Variants in CLCC1 observed in about 807,000 individuals in gnomAD.
CLCC1 encodes the protein chloride channel CLIC-like protein 1.
Under a neutral mutation model 63.3 loss-of-function variants are expected in CLCC1, and 39 were observed. The observed-to-expected ratio is 0.62, with a 90% CI of 0.48 to 0.81. The LOEUF (loss-of-function observed/expected upper bound fraction) is 0.81. Ranked by LOEUF, CLCC1 falls within the 30% of genes least tolerant of loss-of-function variation. The pLI, the probability that CLCC1 is intolerant of heterozygous loss-of-function variation, is 0.00. For synonymous variants in CLCC1, 217 were observed against 239.8 expected, an observed-to-expected ratio of 0.90 and a Z score of 0.88; for missense variants, 549 against 669.4, an observed-to-expected ratio of 0.82 and a Z score of 1.98.
At chr1:108,947,439 G>A (rs1191373168) in intron 5 of CLCC1, among the ~76,000 whole-genome samples, 172 bp downstream of exon 5, 2 of 152,198 alleles carry the variant, frequency 1.3e-5, no homozygotes, top group African/African-American at 4.8e-5. Context: ...CCAGACCACT[G>A]CAAAGCAGTA....
intron 7 of CLCC1, 140 bp from the exon 8 acceptor site, chr1:108,941,638 ATATTAT>A (rs1241996326): frequency 2.1e-5 from 10 of 469,840 alleles, no homozygotes; most frequent in Admixed American, 7.9e-5. Flanking sequence ...AAAAAAAAAC[ATATTAT>A]TATTACTATT....
intron 5 of CLCC1, among the ~76,000 whole-genome samples, chr1:108,945,062 C>A (rs368986140): frequency 6.6e-6 from 1 of 152,154 alleles, no homozygotes; most frequent in South Asian, 2.1e-4. Context: ...CAATATATAA[C>A]CTTGTTTTAT....
In CLCC1 at chr1:108,939,697, A is replaced by G. The variant is rs1571019191; in HGVS notation, c.980T>C (p.Met327Thr). 1.2e-6 allele frequency: 2 copies of G among 1,614,058 alleles called. No individual in the cohort carries two copies. Among genetic ancestry groups the G allele is most frequent in the African/African-American group, 2.7e-5 (2 of 74,938 alleles). ...KGTGEFIKAL[M>T]KEIPALLHLP... is the part of the protein sequence containing the mutation. Reference sequence around the variant, plus strand: ...ATGAAGCAGCGCTGGAATTTCCTTCATGAGTGCTTTAATAAATTCCCCAGT... The same window carrying G: ...ATGAAGCAGCGCTGGAATTTCCTTCGTGAGTGCTTTAATAAATTCCCCAGT... Residue 327 changes from methionine to threonine, a missense_variant, in exon 10 of 13, where the codon ATG becomes ACG. By Grantham distance (81) the Met-to-Thr change is moderately conservative. Coordinates refer to ENST00000369969, the MANE Select transcript of CLCC1 (RefSeq NM_001377458.1).
chr1:108,953,749 G>A (rs570575661), intron 2 of CLCC1, among the ~76,000 whole-genome samples: 8 of 152,342 alleles, frequency 5.3e-5, no homozygotes, highest in Non-Finnish European at 7.3e-5. Context: ...AGTAGCTCAC[G>A]CCTGTGATCC....
chr1:108,950,444 T>C lies in CLCC1; in HGVS notation c.-7A>G, dbSNP rs775165172. 15 of 1,562,484 alleles carry C rather than the reference T, an allele frequency of 9.6e-6. No homozygotes were observed. In the African/African-American group the frequency reaches 1.8e-4, roughly 18 times the overall value. On this transcript the variant is annotated 5_prime_UTR_variant, in exon 3 of 13. Transcript: ENST00000369969. ...GGAGCAAAGAACACAGCATCCTGTA[T>C]AAGGCTAAAACAATTTTTAATATAT...
At position 108,939,277 on chromosome 1, in the gene CLCC1, T is replaced by G. The variant is rs555517211; in HGVS notation, c.1041+359A>C. 4.2e-3 allele frequency among the ~76,000 whole-genome samples: 613 copies of G among 145,894 alleles called. 10 individuals are homozygous for G. The highest frequency in any genetic ancestry group is 0.014 in the African/African-American group (578 of 40,174). On this transcript the variant is annotated intron_variant, in intron 10 of 12. Coordinates refer to ENST00000369969, the MANE Select transcript of CLCC1 (RefSeq NM_001377458.1). Reference sequence around the variant, plus strand: ...ACAGATATATAAATATAAATATATATAGATAGATATATAAATATACATATA... The same window carrying G: ...ACAGATATATAAATATAAATATATAGAGATAGATATATAAATATACATATA...
intron 2 of CLCC1, among the ~76,000 whole-genome samples, chr1:108,951,056 C>T (rs188300160): frequency 6.8e-4 from 103 of 152,200 alleles, no homozygotes; most frequent in Admixed American, 2.4e-3. Flanking sequence ...AAAACTTGTA[C>T]ATGAATGTTC....
rs1651899291 is a variant in CLCC1 at position 108,931,242 on chromosome 1, A to AAAATT, written c.*1300_*1304dup. ...AACAGAAAACAGATGAAAACTCACA[A>AAAATT]AAATTAAATATGAAAGAAAGATGTC... On this transcript the variant is annotated 3_prime_UTR_variant, in exon 13 of 13. Coordinates refer to ENST00000369969, the MANE Select transcript of CLCC1 (RefSeq NM_001377458.1). 2 of 1,419,144 alleles carry AAAATT rather than the reference A, an allele frequency of 1.4e-6. No homozygotes were observed. The highest frequency in any genetic ancestry group is 2.9e-5 in the African/African-American group (2 of 69,152). The allele number at this position is 1,419,144 out of a possible 1,614,324, so 87.9% of individuals were successfully genotyped here.
In CLCC1 at chr1:108,929,709, A is replaced by G. The variant is rs1390844772; in HGVS notation, c.*2838T>C. 1.2e-6 allele frequency: 2 copies of G among 1,613,338 alleles called. No homozygotes were observed. Among genetic ancestry groups the G allele is most frequent in the Non-Finnish European group, 1.7e-6 (2 of 1,179,452 alleles). ...CTCTCATAAACTTCTAGGGATCCAG[A>G]TTAGATGATCAAAGATGTGCTCCAC... On this transcript the variant is annotated 3_prime_UTR_variant, in exon 13 of 13. Coordinates refer to ENST00000369969, the MANE Select transcript of CLCC1 (RefSeq NM_001377458.1).
chr1:108,950,001 C>A, intron 3 of CLCC1, 80 bp from the exon 4 acceptor site: 1 of 858,942 alleles, frequency 1.2e-6, no homozygotes, highest in South Asian at 1.6e-5. Flanking sequence ...GACTAAGATT[C>A]TGACTTCATC....
rs112562391 is a variant in CLCC1 at position 108,940,047 on chromosome 1, T to C, written c.892A>G (p.Lys298Glu). 1 of 1,607,530 alleles carries C rather than the reference T, an allele frequency of 6.2e-7. No individual in the cohort carries two copies. The highest frequency in any genetic ancestry group is 8.5e-7 in the Non-Finnish European group (1 of 1,175,486). Residue 298 changes from lysine to glutamate, a missense_variant and splice_region_variant, in exon 9 of 13, where the codon AAG (lysine) becomes GAG (glutamate). By Grantham distance (56) the Lys-to-Glu change is moderately conservative. Transcript: ENST00000369969. ...VNPIWLVPPT[K>E]ALAVTFTTFV... ...TTTTTACAAAATATATGCTATACCT[T>C]TGTTGGTGGGACCAACCAAATAGGG...
rs565358035 is a variant in CLCC1, at chr1:108,948,313, G to A, written c.232-595C>T. ...GCTTCTCCAGGGTACCACCCACATG[G>A]CAACCCTTCAGCACACAATTCTACA... On this transcript the variant is annotated intron_variant, in intron 4 of 12. Transcript: ENST00000369969. Among the ~76,000 whole-genome samples the A allele has an allele frequency of 3.9e-5, 6 of 152,288 alleles. No homozygotes were observed. In the South Asian group the frequency reaches 1.2e-3, roughly 32 times the overall value.
intron 9 of CLCC1, 88 bp from the exon 10 acceptor site, chr1:108,939,870 G>A: frequency 7.1e-7 from 1 of 1,403,940 alleles, no homozygotes. Context: ...GATGCTGAAA[G>A]TATGTTACAT....
In CLCC1 at chr1:108,929,934, C is replaced by A; in HGVS notation, c.*2613G>T. ...AAAATTCAGGGAAAAAATCGGCAGACCATTAGTTACTATGGATTTATTTTT... is the reference window on the plus strand; with the variant it reads ...AAAATTCAGGGAAAAAATCGGCAGAACATTAGTTACTATGGATTTATTTTT... On this transcript the variant is annotated 3_prime_UTR_variant, in exon 13 of 13. Coordinates refer to ENST00000369969, the MANE Select transcript of CLCC1 (RefSeq NM_001377458.1). The A allele has an allele frequency of 6.2e-7, 1 of 1,612,652 alleles. No homozygotes were observed.
At chr1:108,963,259 C>T (rs945192729) in intron 1 of CLCC1, 102 bp downstream of exon 1, 15 of 631,668 alleles carry the variant, frequency 2.4e-5, no homozygotes, top group Non-Finnish European at 4.0e-5. Flanking sequence ...GCGCCTGCGG[C>T]CTCCCCAGCG....
intron 11 of CLCC1, among the ~76,000 whole-genome samples, chr1:108,935,400 A>T (rs77786812): frequency 5.4e-4 from 82 of 152,368 alleles, no homozygotes; most frequent in Non-Finnish European, 1.1e-3. Flanking sequence ...ATGTAAAAAA[A>T]GCAGAGAAGA....
chr1:108,939,946 C>G (rs944500866), intron 9 of CLCC1, 99 bp downstream of exon 9: 1 of 1,275,644 alleles, frequency 7.8e-7, no homozygotes, highest in East Asian at 2.4e-5. Flanking sequence ...TTTTCTTGGA[C>G]AAACGCTTAT....
intron 8 of CLCC1, 91 bp downstream of exon 8, chr1:108,941,314 G>A (rs1653807462): frequency 8.7e-7 from 1 of 1,146,584 alleles, no homozygotes; most frequent in East Asian, 2.4e-5. Flanking sequence ...GTCATGGAAA[G>A]CCTCCTGTTA....
chr1:108,962,913 G>A (rs1557902371), intron 1 of CLCC1, among the ~76,000 whole-genome samples: 1 of 150,660 alleles, frequency 6.6e-6, no homozygotes, highest in African/African-American at 2.4e-5. Flanking sequence ...TTTTGTGTCC[G>A]TTTTTGTTGT....
Sources: gnomAD v4.1 joint callset for allele counts (sites outside exome capture counted in the v4.1 genomes callset) on GRCh38, gnomAD v4.1.1 for gene constraint, MANE v1.5 for transcripts, NCBI Gene and HGNC (gene_info 2026-07-23, HGNC 2026-07-21) for gene names.